The following AATK variants were observed in gnomAD, a reference collection of about 807,000 sequenced individuals.
AATK encodes the protein lemur tail kinase 1.
A neutral mutation model predicts 114.3 loss-of-function variants in AATK; 91 were observed. The observed-to-expected ratio is 0.80, with a 90% CI of 0.67 to 0.95. The LOEUF (loss-of-function observed/expected upper bound fraction) is 0.95. Among genes scored for constraint, AATK ranks in the 40% least tolerant of loss-of-function variants. The pLI is 0.00. For missense variants in AATK, 2,176 were observed against 1,965.2 expected, an observed-to-expected ratio of 1.11 and a Z score of -2.03; for synonymous variants, 1,075 against 916.5, an observed-to-expected ratio of 1.17 and a Z score of -3.12.
chr17:81,155,071 CGT>C (rs1050550718), intron 1 of AATK, among the ~76,000 whole-genome samples: 1 of 152,178 alleles, frequency 6.6e-6, no homozygotes, highest in Non-Finnish European at 1.5e-5. Context: ...GCACTTTTTG[CGT>C]GTTTGACTCC....
At chr17:81,140,084 C>T (rs2061099935) in intron 1 of AATK, among the ~76,000 whole-genome samples, 1 of 152,172 alleles carries the variant, frequency 6.6e-6, no homozygotes, top group Admixed American at 6.5e-5. Flanking sequence ...GTGATCACAG[C>T]TCACTGCAGC....
At position 81,121,393 on chromosome 17, in the gene AATK, C is replaced by G; in HGVS notation, c.2543G>C (p.Ser848Thr). 2 of 1,609,174 alleles carry G rather than the reference C, an allele frequency of 1.2e-6. No homozygotes were observed. The highest frequency in any genetic ancestry group is 2.2e-5 in the South Asian group (2 of 90,500). ...GGGTGCCTCCACCTCGGGAGAGCTG[C>G]TGCTGCCATTCAGGGCAGAAGCCAG... ...IKLASALNGSSSSPEVEAPSS... is the reference protein window; with the variant it reads ...IKLASALNGSTSSPEVEAPSS... The change falls in exon 11 of 14, where the codon AGC becomes ACC. Residue 848 changes from serine to threonine, a missense_variant. Coordinates refer to ENST00000326724, the MANE Select transcript of AATK (RefSeq NM_001080395.3).
rs575467117 is a variant in AATK, at chr17:81,128,973, C to T, written c.335-424G>A. The T allele has an allele frequency of 6.3e-5, 65 of 1,024,716 alleles. No individual in the cohort carries two copies. In the South Asian group the frequency reaches 1.6e-3, roughly 25 times the overall value. The allele number at this position is 1,024,716 out of a possible 1,614,324, so 63.5% of individuals were successfully genotyped here. Reference sequence around the variant, plus strand: ...CCGCAGGCTGGCATCCCACGCCGGGCGCACCAAAGGCTCCTTTGTTGGGGG... The same window carrying T: ...CCGCAGGCTGGCATCCCACGCCGGGTGCACCAAAGGCTCCTTTGTTGGGGG... On this transcript the variant is annotated intron_variant, in intron 3 of 13. Transcript: ENST00000326724.
chr17:81,138,615 A>G (rs891323199), intron 1 of AATK, among the ~76,000 whole-genome samples: 12 of 144,180 alleles, frequency 8.3e-5, no homozygotes, highest in African/African-American at 3.1e-4. Flanking sequence ...CACAACACAC[A>G]CACATACCCA....
At chr17:81,134,630 C>T (rs2060983362) in intron 1 of AATK, 129 bp from the exon 2 acceptor site, 1 of 1,218,720 alleles carries the variant, frequency 8.2e-7, no homozygotes, top group South Asian at 1.5e-5. Context: ...CCTGACCTCT[C>T]ACCCCAGACC....
rs545021023 is a variant in AATK, at chr17:81,127,778, C to T, written c.533+14G>A. 2.0e-4 allele frequency: 305 copies of T among 1,503,370 alleles called. 1 individual carries two copies. Among genetic ancestry groups the T allele is most frequent in the Middle Eastern group, 1.1e-3 (5 of 4,552 alleles). The allele number at this position is 1,503,370 out of a possible 1,614,324, so 93.1% of individuals were successfully genotyped here. A position where few individuals can be genotyped will look rare whatever the true frequency, so the allele number is the denominator to read the frequency against. On this transcript the variant is annotated intron_variant, in intron 5 of 13. Coordinates refer to ENST00000326724, the MANE Select transcript of AATK (RefSeq NM_001080395.3). ...GCCGCACAGCACAGGCCTTTGTGCC[C>T]GGTGGCCTCCCACCTGTAGGGCTGC...
At chr17:81,125,232 G>T (rs779869177) in intron 7 of AATK, 1 of 694,558 alleles carries the variant, frequency 1.4e-6, no homozygotes, top group East Asian at 2.6e-5. Context: ...CCAACCCTGA[G>T]ACCTGGGGAG....
Position 81,124,834 on chromosome 17 carries a change from C to T in AATK, c.855G>A (p.Val285=). 1 of 1,610,758 alleles carries T rather than the reference C, an allele frequency of 6.2e-7. No homozygotes were observed. The highest frequency in any genetic ancestry group is 8.5e-7 in the Non-Finnish European group (1 of 1,178,850). The change falls in exon 9 of 14, where the codon GTG becomes GTA. Residue 285 remains valine (V), a synonymous_variant. Coordinates refer to ENST00000326724, the MANE Select transcript of AATK (RefSeq NM_001080395.3). ...AHCKYREDYF[V]TADQLWVPLR... ...GAGGCACCCACAGCTGGTCGGCAGT[C>T]ACGAAGTAGTCCTCCTGTTGGCACA...
chr17:81,131,032 G>T, intron 3 of AATK, 29 bp downstream of exon 3: 1 of 1,542,978 alleles, frequency 6.5e-7, no homozygotes. Context: ...CCGGAGGGAG[G>T]CCACCCCATC....
At chr17:81,135,379 C>T (rs1223392081) in intron 1 of AATK, among the ~76,000 whole-genome samples, 3 of 152,118 alleles carry the variant, frequency 2.0e-5, no homozygotes, top group Non-Finnish European at 2.9e-5. Context: ...ATCCCCTGGG[C>T]CTGCCCCGTC....
intron 9 of AATK, 23 bp from the exon 10 acceptor site, chr17:81,123,366 C>A: frequency 7.4e-7 from 1 of 1,344,282 alleles, no homozygotes. Flanking sequence ...AGCCGTGAGC[C>A]AGGGCTGGGC....
At chr17:81,129,239 C>G (rs1253526828) in intron 3 of AATK, among the ~76,000 whole-genome samples, 1 of 152,224 alleles carries the variant, frequency 6.6e-6, no homozygotes, top group Non-Finnish European at 1.5e-5. Context: ...GGGGAGGGGG[C>G]TCCTTCCAGG....
intron 1 of AATK, among the ~76,000 whole-genome samples, chr17:81,151,001 C>A (rs557987501): frequency 6.6e-6 from 1 of 152,158 alleles, no homozygotes; most frequent in Admixed American, 6.5e-5. Context: ...AATACCCCTA[C>A]CTCTCAGTTG....
At position 81,119,378 on chromosome 17, in the gene AATK, ACCT is replaced by A; in HGVS notation, c.4083_4084+1del. 1 of 1,391,890 alleles carries A rather than the reference ACCT, an allele frequency of 7.2e-7. No individual in the cohort carries two copies. The highest frequency in any genetic ancestry group is 9.6e-7 in the Non-Finnish European group (1 of 1,046,292). 86.2% of individuals were successfully genotyped at this position (1,391,890 alleles called of 1,614,324 possible). A position where few individuals can be genotyped will look rare whatever the true frequency, so the allele number is the denominator to read the frequency against. ...TCTGCCACAGCCCCGCCCAGGCCTC[ACCT>A]CTCTTGGACTCGGCGTCCGAGTCAG... On this transcript the variant is annotated splice_donor_variant and coding_sequence_variant, in exon 13 of 14. Coordinates refer to ENST00000326724, the MANE Select transcript of AATK (RefSeq NM_001080395.3). LOFTEE classifies it high-confidence loss of function.
At chr17:81,159,344 G>A (rs1314706858) in intron 1 of AATK, among the ~76,000 whole-genome samples, 4 of 152,118 alleles carry the variant, frequency 2.6e-5, no homozygotes, top group Non-Finnish European at 5.9e-5. Flanking sequence ...GGCGGCCTGC[G>A]AGTGACCGGC....
chr17:81,131,316 G>C (rs1171757868), intron 2 of AATK, 111 bp from the exon 3 acceptor site: 1 of 1,382,152 alleles, frequency 7.2e-7, no homozygotes, highest in Non-Finnish European at 9.5e-7. Flanking sequence ...CAGGGCAGGA[G>C]GGGGTGCTCG....
At chr17:81,125,050 A>AGGGTGAGCAGGGTGTGCC in intron 7 of AATK, 36 bp from the exon 8 acceptor site, 1 of 1,238,788 alleles carries the variant, frequency 8.1e-7, no homozygotes, top group Non-Finnish European at 1.1e-6. Context: ...CAGGGTGAGC[A>AGGGTGAGCAGGGTGTGCC]GGGTGAGCAG....
chr17:81,122,270 C>A lies in AATK; in HGVS notation c.1666G>T (p.Ala556Ser). ...GAGTCGTCGTCCTGGTCCGCGGTGGCAGGTGGACTGGGGGCGCAGCCGGCG... is the reference window on the plus strand; with the variant it reads ...GAGTCGTCGTCCTGGTCCGCGGTGGAAGGTGGACTGGGGGCGCAGCCGGCG... Reference protein sequence around the residue: ...DCAGCAPSPPATADQDDDSDG... With the variant: ...DCAGCAPSPPSTADQDDDSDG... The change falls in exon 11 of 14, where the codon GCC (alanine) becomes TCC (serine). Residue 556 changes from alanine to serine, a missense_variant. By Grantham distance (99) the Ala-to-Ser change is moderately conservative (BLOSUM62 1). This residue lies in a region of AATK where 1,701 missense variants were observed against 1,394.7 expected (regional missense o/e 1.22). Coordinates refer to ENST00000326724, the MANE Select transcript of AATK (RefSeq NM_001080395.3). 1 of 1,497,060 alleles carries A rather than the reference C, an allele frequency of 6.7e-7. No individual in the cohort carries two copies. 92.7% of individuals were successfully genotyped at this position (1,497,060 alleles called of 1,614,324 possible).
rs1464129353 is a variant in AATK at position 81,127,622 on chromosome 17, C to G, written c.582G>C (p.Glu194Asp). The change falls in exon 6 of 14, where the codon GAG becomes GAC. Residue 194 changes from glutamate (E) to aspartate (D), a missense_variant. This residue lies in a region of AATK where 273 missense variants were observed against 344.1 expected (regional missense o/e 0.79). Coordinates refer to ENST00000326724, the MANE Select transcript of AATK (RefSeq NM_001080395.3). ...CCATCACCAGCAGGTAGGGCGTCAC[C>G]TCGGCGCACTGGGCCAGGCACTGGA... The part of the protein sequence containing the change: ...NLLQCLAQCA[E>D]VTPYLLVMEF... 1 of 1,602,098 alleles carries G rather than the reference C, an allele frequency of 6.2e-7. No homozygotes were observed. Among genetic ancestry groups the G allele is most frequent in the Non-Finnish European group, 8.5e-7 (1 of 1,174,986 alleles).
Sources: gnomAD v4.1 joint callset for allele counts (sites outside exome capture counted in the v4.1 genomes callset) on GRCh38, gnomAD v4.1.1 for gene constraint, gnomAD v4.1.1 regional missense constraint, MANE v1.5 for transcripts, NCBI Gene and HGNC (gene_info 2026-07-23, HGNC 2026-07-21) for gene names.